SCN9A: variants seen among roughly 807,000 people sequenced by gnomAD.
SCN9A encodes the protein sodium voltage-gated channel alpha subunit 9.
Under a neutral mutation model 187.0 loss-of-function variants are expected in SCN9A, and 131 were observed. That is an observed-to-expected ratio of 0.70 (90% CI 0.61 to 0.81). The LOEUF (loss-of-function observed/expected upper bound fraction) is 0.81. SCN9A is among the 30% of genes least tolerant of loss of function. The pLI is 0.00. For missense variants in SCN9A, 2,252 were observed against 2,396.6 expected, an observed-to-expected ratio of 0.94 and a Z score of 1.26; for synonymous variants, 809 against 808.6, an observed-to-expected ratio of 1.00 and a Z score of -0.01.
chr2:166,368,605 C>CCTG (rs1700474733), intron 1 of SCN9A, among the ~76,000 whole-genome samples: 1 of 150,998 alleles, frequency 6.6e-6, no homozygotes, highest in African/African-American at 2.4e-5. Flanking sequence ...TGCACTCCAG[C>CCTG]CTGGGCAACA....
Position 166,199,630 on chromosome 2 carries a change from T to C in SCN9A, c.5009A>G (p.Lys1670Arg). 1 of 1,614,172 alleles carries C rather than the reference T, an allele frequency of 6.2e-7. No individual in the cohort carries two copies. The highest frequency in any genetic ancestry group is 8.5e-7 in the Non-Finnish European group (1 of 1,180,040). ...CATGTCATTAATTCCATCTTCCTTT[T>C]TAACATAGGCAAAGTTGGACATTCC... ...IFGMSNFAYV[K>R]KEDGINDMFN... Residue 1670 changes from lysine (K) to arginine (R), a missense_variant, in exon 27 of 27, where the codon AAA (lysine) becomes AGA (arginine). By Grantham distance (26) the Lys-to-Arg change is conservative. Around this residue, in one of 7 missense-constraint regions of SCN9A, gnomAD observed 84 missense variants for 134.2 expected, o/e 0.63. Transcript: ENST00000642356.
intron 12 of SCN9A, 114 bp downstream of exon 12, chr2:166,284,339 A>T (rs1029750857): frequency 8.1e-7 from 1 of 1,231,746 alleles, no homozygotes; most frequent in African/African-American, 1.5e-5. Context: ...CTATAGAAAA[A>T]GTATTGCAAA....
chr2:166,269,745 C>T (rs546558826), intron 17 of SCN9A, among the ~76,000 whole-genome samples: 2 of 152,026 alleles, frequency 1.3e-5, no homozygotes, highest in East Asian at 3.9e-4. Flanking sequence ...GAAAGGTCAG[C>T]CATTGACTTT....
intron 9 of SCN9A, among the ~76,000 whole-genome samples, chr2:166,289,364 T>A (rs1697935144): frequency 6.6e-6 from 1 of 151,848 alleles, no homozygotes; most frequent in South Asian, 2.1e-4. Flanking sequence ...GGCCCCAGTG[T>A]GTGATGATCT....
At chr2:166,311,117 G>A (rs1162517955) in intron 2 of SCN9A, among the ~76,000 whole-genome samples, 4 of 67,980 alleles carry the variant, frequency 5.9e-5, no homozygotes, top group African/African-American at 1.3e-4. Flanking sequence ...GGAGGGGGGA[G>A]GGATAGCATT....
Position 166,272,501 on chromosome 2 carries a change from G to A in SCN9A, c.3249C>T (p.Pro1083=), listed in dbSNP as rs764502673. 1 of 1,613,182 alleles carries A rather than the reference G, an allele frequency of 6.2e-7. No individual in the cohort carries two copies. The highest frequency in any genetic ancestry group is 1.3e-5 in the African/African-American group (1 of 74,966). ...DSDGQSFIHN[P]SLTVTVPIAP... is the part of the protein sequence containing the mutation. ...CAATTGGCACTGTCACTGTGAGGCTGGGATTGTGAATAAATGATTGACCAT... is the reference window on the plus strand; with the variant it reads ...CAATTGGCACTGTCACTGTGAGGCTAGGATTGTGAATAAATGATTGACCAT... The change falls in exon 17 of 27, where the codon CCC becomes CCT. Residue 1083 remains proline (P), a synonymous_variant. Transcript: ENST00000642356.
chr2:166,250,302 T>C (rs943351324), intron 18 of SCN9A, among the ~76,000 whole-genome samples: 1 of 152,158 alleles, frequency 6.6e-6, no homozygotes, highest in Non-Finnish European at 1.5e-5. Context: ...ATCTGTGCTA[T>C]CATAACTTCT....
rs1025211531 is a variant in SCN9A at position 166,252,670 on chromosome 2, T to C, written c.3352-785A>G. Among the ~76,000 whole-genome samples the C allele has an allele frequency of 2.0e-5, 3 of 151,906 alleles. No individual in the cohort carries two copies. The Admixed American group carries it at 2.0e-4, about 10-fold the overall frequency. ...AAATTAAACATGGCAGACTTACACATGGAATAATGAATTCATTGTCATTAT... is the reference window on the plus strand; with the variant it reads ...AAATTAAACATGGCAGACTTACACACGGAATAATGAATTCATTGTCATTAT... On this transcript the variant is annotated intron_variant, in intron 17 of 26. Transcript: ENST00000642356.
chr2:166,354,225 A>G (rs953715343), intron 1 of SCN9A, among the ~76,000 whole-genome samples: 3 of 152,178 alleles, frequency 2.0e-5, no homozygotes, highest in Admixed American at 6.5e-5. Flanking sequence ...AGCAATTTCC[A>G]TCCTTTTATG....
intron 20 of SCN9A, among the ~76,000 whole-genome samples, 188 bp from the exon 21 acceptor site, chr2:166,233,650 G>A (rs1014360337): frequency 6.6e-6 from 1 of 151,988 alleles, no homozygotes; most frequent in Non-Finnish European, 1.5e-5. Context: ...TTAAAAGAAG[G>A]TTAACCAAAA....
intron 21 of SCN9A, among the ~76,000 whole-genome samples, 163 bp downstream of exon 21, chr2:166,233,177 A>G (rs567803647): frequency 8.8e-6 from 1 of 113,394 alleles, no homozygotes; most frequent in African/African-American, 3.6e-5. Flanking sequence ...ATATGCATAT[A>G]TACATATATG....
chr2:166,245,820 A>G (rs1359248459), intron 18 of SCN9A, among the ~76,000 whole-genome samples: 1 of 152,052 alleles, frequency 6.6e-6, no homozygotes, highest in East Asian at 1.9e-4. Flanking sequence ...TGAGTTTTCA[A>G]GTAACAACTT....
intron 1 of SCN9A, among the ~76,000 whole-genome samples, chr2:166,346,647 C>A (rs1699907982): frequency 6.6e-6 from 1 of 152,084 alleles, no homozygotes; most frequent in African/African-American, 2.4e-5. Context: ...CATTAGTGAC[C>A]TAAGGGACTG....
intron 11 of SCN9A, 27 bp downstream of exon 11, chr2:166,286,308 GA>G (rs1213632402): frequency 2.5e-6 from 4 of 1,580,580 alleles, no homozygotes; most frequent in Admixed American, 3.7e-5. Context: ...TGCCTCGGGT[GA>G]TACACATTTA....
At chr2:166,287,904 T>C (rs1219322371) in intron 10 of SCN9A, among the ~76,000 whole-genome samples, 1 of 149,958 alleles carries the variant, frequency 6.7e-6, no homozygotes, top group Non-Finnish European at 1.5e-5. Flanking sequence ...ATGAAACCAC[T>C]GTATACAATT....
At chr2:166,301,846 G>A (rs1050531593) in intron 7 of SCN9A, 1 of 150,792 alleles carries the variant, frequency 6.6e-6, no homozygotes, top group Non-Finnish European at 1.5e-5. Flanking sequence ...ATAAAAAGAA[G>A]GGGAAAATAT....
chr2:166,280,306 G>T, intron 14 of SCN9A, 51 bp downstream of exon 14: 1 of 1,016,988 alleles, frequency 9.8e-7, no homozygotes, highest in South Asian at 1.5e-5. Flanking sequence ...TGACAATGAT[G>T]ACAACTAAAA....
rs1259369290 is a variant in SCN9A at position 166,281,789 on chromosome 2, T to A, written c.1994A>T (p.His665Leu). ...ATAGGAACTACAACGCCTTTTCTTG[T>A]GTATTTGATTGGTCGTGCCCTAAAA... is the stretch of plus-strand genomic sequence containing the variant. ...SDDSGTTNQI[H>L]KKRRCSSYLL... Residue 665 changes from histidine to leucine, a missense_variant, in exon 13 of 27, where the codon CAC (histidine) becomes CTC (leucine). By Grantham distance (99) the His-to-Leu change is moderately conservative (BLOSUM62 -3). Around this residue, in one of 7 missense-constraint regions of SCN9A, gnomAD observed 1,013 missense variants for 997.4 expected, o/e 1.02. Transcript: ENST00000642356. 6.2e-7 allele frequency: 1 copy of A among 1,612,060 alleles called. No homozygotes were observed. Among genetic ancestry groups the A allele is most frequent in the Non-Finnish European group, 8.5e-7 (1 of 1,179,166 alleles).
chr2:166,311,814 G>C lies in SCN9A; in HGVS notation c.-50-8C>G. ...GCTCCTCACATAAGAGGCCTGGATG[G>C]AAACAAAGAAATAAAGACTTAACTA... is the stretch of plus-strand genomic sequence containing the variant. On this transcript the variant is annotated splice_region_variant and splice_polypyrimidine_tract_variant and intron_variant, in intron 1 of 26. Transcript: ENST00000642356. The C allele has an allele frequency of 6.9e-7, 1 of 1,455,052 alleles. No homozygotes were observed. 90.1% of individuals were successfully genotyped at this position (1,455,052 alleles called of 1,614,324 possible). A position where few individuals can be genotyped will look rare whatever the true frequency, so the allele number is the denominator to read the frequency against.
Sources: gnomAD v4.1 joint callset for allele counts (sites outside exome capture counted in the v4.1 genomes callset) on GRCh38, gnomAD v4.1.1 for gene constraint, gnomAD v4.1.1 regional missense constraint, MANE v1.5 for transcripts, NCBI Gene and HGNC (gene_info 2026-07-23, HGNC 2026-07-21) for gene names.